BCOR: variants seen among roughly 807,000 people sequenced by gnomAD.
BCOR encodes BCL-6 corepressor.
A neutral mutation model predicts 86.7 loss-of-function variants in BCOR; 10 were observed. The observed-to-expected ratio is 0.12, with a 90% CI of 0.07 to 0.20. The LOEUF (loss-of-function observed/expected upper bound fraction) is 0.20. Among genes scored for constraint, BCOR ranks in the 10% least tolerant of loss-of-function variants. The pLI, the probability that BCOR is intolerant of heterozygous loss-of-function variation, is 1.00. For synonymous variants in BCOR, 611 were observed against 609.0 expected (o/e 1.00, Z -0.05); for missense variants, 1,259 against 1,452.1 (o/e 0.87, Z 2.16).
intron 1 of BCOR, among the ~76,000 whole-genome samples, chrX:40,173,415 G>T (rs1319880004): frequency 1.8e-5 from 2 of 112,340 alleles, no homozygotes; most frequent in African/African-American, 6.5e-5. Flanking sequence ...ACGTGTGTTT[G>T]TTACTATGAT....
intron 1 of BCOR, among the ~76,000 whole-genome samples, chrX:40,114,919 C>G (rs1937370319): frequency 1.1e-5 from 1 of 87,962 alleles, no homozygotes; most frequent in African/African-American, 4.5e-5. Flanking sequence ...GTGGTGAGAT[C>G]TCGGCTCACT....
At chrX:40,159,716 G>A (rs756218009) in intron 1 of BCOR, among the ~76,000 whole-genome samples, 48 of 112,041 alleles carry the variant, frequency 4.3e-4, no homozygotes, top group African/African-American at 1.5e-3. Context: ...CAGATTTAAA[G>A]AAAATAGGGA....
In BCOR at chrX:40,071,162, A is replaced by G. The variant is rs780133176; in HGVS notation, c.3052-3T>C. On this transcript the variant is annotated splice_region_variant and splice_polypyrimidine_tract_variant and intron_variant, in intron 5 of 14. Coordinates refer to ENST00000378444, the MANE Select transcript of BCOR (RefSeq NM_001123385.2). Reference sequence around the variant, plus strand: ...TCTGAGAAGCGCATCATTGCACGCTAGAAAGAGAACGGAGATGGAAAAAAA... The same window carrying G: ...TCTGAGAAGCGCATCATTGCACGCTGGAAAGAGAACGGAGATGGAAAAAAA... The G allele has an allele frequency of 2.6e-5, 31 of 1,190,865 alleles. No individual in the cohort carries two copies. Among genetic ancestry groups the G allele is most frequent in the Non-Finnish European group, 3.5e-5 (31 of 882,640 alleles).
chrX:40,148,696 C>G (rs1306112920), intron 1 of BCOR, among the ~76,000 whole-genome samples: 1 of 111,022 alleles, frequency 9.0e-6, no homozygotes, highest in African/African-American at 3.3e-5. Context: ...GCCTTTTCCC[C>G]GAATATTATC....
At chrX:40,157,568 A>G (rs1399223763) in intron 1 of BCOR, among the ~76,000 whole-genome samples, 1 of 112,659 alleles carries the variant, frequency 8.9e-6, no homozygotes, top group African/African-American at 3.2e-5. Context: ...GATAAACAAC[A>G]TGCAAACTTT....
At chrX:40,168,903 G>C (rs904278408) in intron 1 of BCOR, among the ~76,000 whole-genome samples, 1 of 112,788 alleles carries the variant, frequency 8.9e-6, no homozygotes, top group African/African-American at 3.2e-5. Flanking sequence ...CAGGCGCTTC[G>C]TGCCTCCTGG....
chrX:40,063,661 T>C lies in BCOR; in HGVS notation c.3794A>G (p.Lys1265Arg). 1 of 1,211,830 alleles carries C rather than the reference T, an allele frequency of 8.3e-7. No homozygotes were observed. Among genetic ancestry groups the C allele is most frequent in the Non-Finnish European group, 1.1e-6 (1 of 895,436 alleles). Reference sequence around the variant, plus strand: ...CTCTTCCGACCAGCTTCTGTTGCCTTTGGCCTCTGCCCTTTTCCTGCCAGG... The same window carrying C: ...CTCTTCCGACCAGCTTCTGTTGCCTCTGGCCTCTGCCCTTTTCCTGCCAGG... ...EKPGRKRAEA[K>R]GNRSWSEESL... The change falls in exon 8 of 15, where the codon AAA (lysine) becomes AGA (arginine). Residue 1265 changes from lysine (K) to arginine (R), a missense_variant. Coordinates refer to ENST00000378444, the MANE Select transcript of BCOR (RefSeq NM_001123385.2).
rs1034146386 is a variant in BCOR, at chrX:40,051,446, C to T, written c.*663G>A. ...TTAGTTTTCAATATTTTACAGGGTA[C>T]AGAAAAAAATAGCTCAAAGTCTTCT... On this transcript the variant is annotated 3_prime_UTR_variant, in exon 15 of 15. Transcript: ENST00000378444. The T allele has an allele frequency of 1.2e-5, 2 of 170,589 alleles. No homozygotes were observed. Among genetic ancestry groups the T allele is most frequent in the Non-Finnish European group, 2.2e-5 (2 of 89,209 alleles). The allele number at this position is 170,589 out of a possible 1,213,427, so 14.1% of individuals were successfully genotyped here. A position where few individuals can be genotyped will look rare whatever the true frequency, so the allele number is the denominator to read the frequency against.
intron 6 of BCOR, among the ~76,000 whole-genome samples, chrX:40,069,495 T>C (rs759267625): frequency 8.9e-6 from 1 of 112,456 alleles, no homozygotes; most frequent in East Asian, 2.8e-4. Context: ...GGTCTGGCCA[T>C]GTTACTCAAA....
At chrX:40,053,783 G>T in intron 14 of BCOR, 103 bp downstream of exon 14, 1 of 934,486 alleles carries the variant, frequency 1.1e-6, no homozygotes, top group Non-Finnish European at 1.5e-6. Flanking sequence ...CAGTTAAGGA[G>T]GTCACTCACC....
At chrX:40,158,917 T>G (rs909324145) in intron 1 of BCOR, among the ~76,000 whole-genome samples, 1 of 112,430 alleles carries the variant, frequency 8.9e-6, no homozygotes, top group Non-Finnish European at 1.9e-5. Context: ...CTCAAGTAAT[T>G]TACAATCTAG....
intron 1 of BCOR, among the ~76,000 whole-genome samples, chrX:40,170,745 T>C (rs1398932156): frequency 8.9e-6 from 1 of 112,597 alleles, no homozygotes; most frequent in Non-Finnish European, 1.9e-5. Context: ...AAAGATTCTC[T>C]CATTACTTCA....
chrX:40,109,372 C>G (rs962680972), intron 1 of BCOR, among the ~76,000 whole-genome samples: 1 of 111,480 alleles, frequency 9.0e-6, no homozygotes, highest in African/African-American at 3.3e-5. Context: ...ACTCTGCAAG[C>G]GGAGTCTTGC....
In BCOR at chrX:40,063,088, T is replaced by TTTTGGGG; in HGVS notation, c.3848-18_3848-17insCCCCAAA. ...CAGGCAAGCCTAAATACGGAGGGGG[T>TTTTGGGG]GACGGGGTGGCGGGCGGATGGGAGA... On this transcript the variant is annotated splice_polypyrimidine_tract_variant and intron_variant, in intron 8 of 14. Transcript: ENST00000378444. The TTTTGGGG allele has an allele frequency of 1.3e-6, 1 of 743,336 alleles. No homozygotes were observed. 61.3% of individuals were successfully genotyped at this position (743,336 alleles called of 1,213,427 possible).
At chrX:40,075,538 G>C (rs1462187806) in intron 3 of BCOR, among the ~76,000 whole-genome samples, 1 of 111,490 alleles carries the variant, frequency 9.0e-6, no homozygotes, top group Non-Finnish European at 1.9e-5. Flanking sequence ...CGGGCAGATT[G>C]CCTGAGCTCA....
chrX:40,131,446 C>G (rs1001747155), intron 1 of BCOR, among the ~76,000 whole-genome samples: 14 of 112,055 alleles, frequency 1.2e-4, no homozygotes, highest in African/African-American at 4.5e-4. Context: ...CACCTGAGGT[C>G]GGGGGTTCGA....
chrX:40,169,169 G>C (rs929882149), intron 1 of BCOR, among the ~76,000 whole-genome samples: 4 of 112,749 alleles, frequency 3.5e-5, no homozygotes, highest in Non-Finnish European at 7.5e-5. Flanking sequence ...AGATGAGCTC[G>C]GGCTCGAGGG....
chrX:40,063,528 T>C, intron 8 of BCOR, 80 bp downstream of exon 8: 2 of 835,021 alleles, frequency 2.4e-6, no homozygotes, highest in Non-Finnish European at 3.5e-6. Flanking sequence ...TAAGATCTCC[T>C]CAAAAGCCCT....
At chrX:40,068,282 C>G (rs1052034515) in intron 6 of BCOR, among the ~76,000 whole-genome samples, 3 of 112,044 alleles carry the variant, frequency 2.7e-5, no homozygotes, top group Non-Finnish European at 5.6e-5. Context: ...TGAGGACTGC[C>G]CATGACATCT....
Sources: allele counts gnomAD v4.1 joint callset (sites outside exome capture counted in the v4.1 genomes callset), GRCh38; gene constraint gnomAD v4.1.1; transcripts MANE v1.5; gene names NCBI Gene and HGNC (gene_info 2026-07-23, HGNC 2026-07-21).